Variants in PDE11A observed in about 807,000 individuals in gnomAD.
PDE11A encodes phosphodiesterase 11A.
Under a neutral mutation model 100.5 loss-of-function variants are expected in PDE11A, and 100 were observed. The ratio of observed to expected loss-of-function variants is 1.00; its 90% CI spans 0.85 to 1.18. The LOEUF is 1.18. Ranked by LOEUF, PDE11A falls within the 50% of genes most tolerant of loss-of-function variation. The pLI, the probability that PDE11A is intolerant of heterozygous loss-of-function variation, is 0.00. For synonymous variants in PDE11A, 381 were observed against 420.8 expected (o/e 0.91, Z 1.16); for missense variants, 1,141 against 1,152.6 (o/e 0.99, Z 0.15).
At chr2:177,845,517 G>C (rs2083576750) in intron 5 of PDE11A, among the ~76,000 whole-genome samples, 1 of 151,810 alleles carries the variant, frequency 6.6e-6, no homozygotes, top group South Asian at 2.1e-4. Flanking sequence ...TGGGATGGCG[G>C]CCGGGCGGAG....
chr2:178,001,831 C>T (rs553050359), intron 2 of PDE11A, among the ~76,000 whole-genome samples: 1 of 152,290 alleles, frequency 6.6e-6, no homozygotes, highest in East Asian at 1.9e-4. Flanking sequence ...CCATTTGACC[C>T]AACTTGCCCA....
chr2:177,872,646 A>G (rs965168146), intron 5 of PDE11A, among the ~76,000 whole-genome samples: 1 of 152,218 alleles, frequency 6.6e-6, no homozygotes, highest in African/African-American at 2.4e-5. Flanking sequence ...TCTAAAAACT[A>G]CACTATTATA....
chr2:177,895,747 CTAAAAG>C (rs3037903), intron 4 of PDE11A, among the ~76,000 whole-genome samples: 175 of 152,038 alleles, frequency 1.2e-3, no homozygotes, highest in Non-Finnish European at 1.9e-3. Context: ...TTGCCAGAGG[CTAAAAG>C]TAAAAGTGAG....
chr2:177,631,504 A>C, intron 19 of PDE11A, among the ~76,000 whole-genome samples: 1 of 28,488 alleles, frequency 3.5e-5, no homozygotes, highest in Non-Finnish European at 6.9e-5. Flanking sequence ...AAAAAAAAAA[A>C]AAAAAAAAAT....
intron 11 of PDE11A, 82 bp from the exon 12 acceptor site, chr2:177,727,847 G>T: frequency 1.0e-6 from 1 of 998,668 alleles, no homozygotes; most frequent in Non-Finnish European, 1.6e-6. Context: ...TTATATCTGA[G>T]TAACCCTCAG....
chr2:178,053,469 T>A (rs566892521), intron 1 of PDE11A, among the ~76,000 whole-genome samples: 1 of 152,158 alleles, frequency 6.6e-6, no homozygotes, highest in Admixed American at 6.5e-5. Context: ...AGGGATGCCC[T>A]CTCTCACCAC....
rs756353986 is a variant in PDE11A at position 177,711,892 on chromosome 2, G to A, written c.2044-14C>T. 51 of 1,408,136 alleles carry A rather than the reference G, an allele frequency of 3.6e-5. No individual in the cohort carries two copies. Among genetic ancestry groups the A allele is most frequent in the Non-Finnish European group, 4.8e-5 (48 of 992,888 alleles). 87.2% of individuals were successfully genotyped at this position (1,408,136 alleles called of 1,614,324 possible). On this transcript the variant is annotated splice_polypyrimidine_tract_variant and intron_variant, in intron 12 of 19. Transcript: ENST00000286063. ...AAACCCAGCAGTCTGGGAAGAAGGGGAAAATGGCAACAGTCACTACTGGGG... is the reference window on the plus strand; with the variant it reads ...AAACCCAGCAGTCTGGGAAGAAGGGAAAAATGGCAACAGTCACTACTGGGG...
At chr2:177,701,036 T>G in intron 14 of PDE11A, 85 bp downstream of exon 14, 1 of 806,662 alleles carries the variant, frequency 1.2e-6, no homozygotes, top group South Asian at 1.4e-5. Context: ...TGTGTCTACC[T>G]GTGGCACCAC....
intron 1 of PDE11A, among the ~76,000 whole-genome samples, chr2:178,034,884 G>A (rs2086591845): frequency 6.6e-6 from 1 of 152,154 alleles, no homozygotes; most frequent in Non-Finnish European, 1.5e-5. Context: ...AGTGTTGAGA[G>A]GGAAATTTAT....
At chr2:178,077,260 C>T (rs199986676), upstream of PDE11A, among the ~76,000 whole-genome samples, 2 of 98,630 alleles carry the variant, frequency 2.0e-5, 1 homozygote. Flanking sequence ...TTCTTTCTTT[C>T]TTTTTTTTTT....
chr2:178,071,312 T>C (rs1174089753), intron 1 of PDE11A, among the ~76,000 whole-genome samples: 1 of 152,202 alleles, frequency 6.6e-6, no homozygotes, highest in Non-Finnish European at 1.5e-5. Flanking sequence ...GGGTGATATA[T>C]TAACTTCCCA....
At chr2:177,893,114 C>T (rs55943462) in intron 4 of PDE11A, among the ~76,000 whole-genome samples, 27,357 of 151,992 alleles carry the variant, frequency 0.18, 2,592 homozygotes, top group Middle Eastern at 0.24. Context: ...TTATTCTCCT[C>T]TCCACCTCTC....
chr2:177,811,906 G>A (rs1306866929), intron 9 of PDE11A, among the ~76,000 whole-genome samples: 3 of 152,132 alleles, frequency 2.0e-5, no homozygotes, highest in African/African-American at 7.2e-5. Context: ...TAGGAAACAG[G>A]CAATCTGTTT....
intron 5 of PDE11A, among the ~76,000 whole-genome samples, chr2:177,841,549 T>C (rs1319525808): frequency 6.6e-6 from 1 of 152,222 alleles, no homozygotes; most frequent in Non-Finnish European, 1.5e-5. Context: ...TGTGTAAAAT[T>C]ATGCCATGTT....
intron 2 of PDE11A, among the ~76,000 whole-genome samples, chr2:177,919,961 T>TA (rs1574279241): frequency 6.6e-6 from 1 of 151,974 alleles, no homozygotes; most frequent in East Asian, 1.9e-4. Context: ...ACAAAATACA[T>TA]AAAATAAGCT....
chr2:177,838,298 C>T (rs1267931075), intron 6 of PDE11A, among the ~76,000 whole-genome samples: 1 of 152,078 alleles, frequency 6.6e-6, no homozygotes, highest in African/African-American at 2.4e-5. Context: ...ATTAGATTGG[C>T]AAATGAAAAA....
chr2:178,035,784 T>A (rs1050861628), intron 1 of PDE11A, among the ~76,000 whole-genome samples: 5 of 152,204 alleles, frequency 3.3e-5, no homozygotes, highest in African/African-American at 1.2e-4. Context: ...AACCACATGA[T>A]TATCTCAATA....
chr2:177,623,733 AC>A lies in PDE11A; in HGVS notation c.*5673del, dbSNP rs2079794678. 6.7e-6 allele frequency: 1 copy of A among 149,956 alleles called. No homozygotes were observed. Among genetic ancestry groups the A allele is most frequent in the Non-Finnish European group, 1.5e-5 (1 of 67,712 alleles). 9.3% of individuals were successfully genotyped at this position (149,956 alleles called of 1,614,324 possible). A position where few individuals can be genotyped will look rare whatever the true frequency, so the allele number is the denominator to read the frequency against. On this transcript the variant is annotated 3_prime_UTR_variant, in exon 20 of 20. Coordinates refer to ENST00000286063, the MANE Select transcript of PDE11A (RefSeq NM_016953.4). Reference sequence around the variant, plus strand: ...CATTTTTCACAGCAAATACTTCATTACTTAATAAAAAAACACATTTGTGTAC... The same window carrying A: ...CATTTTTCACAGCAAATACTTCATTATTAATAAAAAAACACATTTGTGTAC...
At chr2:177,948,962 TA>T (rs1272108423) in intron 2 of PDE11A, among the ~76,000 whole-genome samples, 2 of 152,186 alleles carry the variant, frequency 1.3e-5, no homozygotes, top group Non-Finnish European at 2.9e-5. Flanking sequence ...CCAAAAGTCT[TA>T]ATCTTTTTGC....
Sources: allele counts gnomAD v4.1 joint callset (sites outside exome capture counted in the v4.1 genomes callset), GRCh38; gene constraint gnomAD v4.1.1; transcripts MANE v1.5; gene names NCBI Gene and HGNC (gene_info 2026-07-23, HGNC 2026-07-21).